Variants in CES3 observed in about 807,000 individuals in gnomAD.
CES3 encodes the protein carboxylesterase 3 (brain).
In CES3, 49 loss-of-function variants were observed where a neutral mutation model predicts 57.6. The ratio of observed to expected loss-of-function variants is 0.85; its 90% CI spans 0.68 to 1.08. The LOEUF is 1.08. Among genes scored for constraint, CES3 ranks in the 50% least tolerant of loss-of-function variants. The pLI is 0.00. For missense variants in CES3, 645 were observed against 742.0 expected (o/e 0.87, Z 1.52); for synonymous variants, 266 against 281.6 (o/e 0.94, Z 0.55).
intron 8 of CES3, among the ~76,000 whole-genome samples, chr16:66,968,511 T>C (rs556970907): frequency 6.6e-6 from 1 of 152,324 alleles, no homozygotes; most frequent in South Asian, 2.1e-4. Flanking sequence ...GCGCAGTGAA[T>C]GTCTTCATGT....
chr16:66,964,931 C>T (rs1348642654), intron 6 of CES3, among the ~76,000 whole-genome samples: 1 of 152,166 alleles, frequency 6.6e-6, no homozygotes, highest in Non-Finnish European at 1.5e-5. Flanking sequence ...TGAAGGAAGC[C>T]ACCCTGAAGC....
chr16:66,969,638 G>A (rs71647901), intron 8 of CES3, 41 bp from the exon 9 acceptor site: 309 of 1,581,282 alleles, frequency 2.0e-4, no homozygotes, highest in African/African-American at 1.6e-3. Flanking sequence ...GGGGTGAGCC[G>A]GTGGTCAGGC....
intron 10 of CES3, among the ~76,000 whole-genome samples, chr16:66,972,110 C>T (rs1206075525): frequency 6.6e-6 from 1 of 152,106 alleles, no homozygotes; most frequent in African/African-American, 2.4e-5. Flanking sequence ...GCACTCCAGC[C>T]TGGTCGACAG....
In CES3 at chr16:66,963,675, G is replaced by A; in HGVS notation, c.426+46G>A. 6.2e-7 allele frequency: 1 copy of A among 1,613,524 alleles called. No homozygotes were observed. Among genetic ancestry groups the A allele is most frequent in the Non-Finnish European group, 8.5e-7 (1 of 1,179,954 alleles). ...TGTCCACCTGATCCAGCTCCACTAT[G>A]CCTACCTGTCCCCTCCCCGTCCCTG... is the stretch of plus-strand genomic sequence containing the variant. On this transcript the variant is annotated intron_variant, in intron 3 of 12. Transcript: ENST00000303334. This position sits in a 1 kb window ranked among gnomAD's most constrained non-coding sequence, Gnocchi z 4.9.
chr16:66,971,284 A>C lies in CES3; in HGVS notation c.1256A>C (p.Asn419Thr), dbSNP rs754948795. The part of the protein sequence containing the change: ...FQEFMGDVFI[N>T]VPTVSFSRYL... ...GAATTCATGGGTGACGTATTCATCA[A>C]TGTTCCCACCGTCAGTTTTTCAAGA... Residue 419 changes from asparagine (N) to threonine (T), a missense_variant, in exon 10 of 13, where the codon AAT (asparagine) becomes ACT (threonine). Physicochemically the swap from Asn to Thr is moderately conservative, Grantham distance 65 (BLOSUM62 0). Coordinates refer to ENST00000303334, the MANE Select transcript of CES3 (RefSeq NM_024922.6). 3 of 1,614,060 alleles carry C rather than the reference A, an allele frequency of 1.9e-6. No individual in the cohort carries two copies. The highest frequency in any genetic ancestry group is 1.7e-5 in the Admixed American group (1 of 60,012).
rs767288999 is a variant in CES3 at position 66,963,673 on chromosome 16, A to T, written c.426+44A>T. ...CCTGTCCACCTGATCCAGCTCCACT[A>T]TGCCTACCTGTCCCCTCCCCGTCCC... On this transcript the variant is annotated intron_variant, in intron 3 of 12. Transcript: ENST00000303334. This position sits in a 1 kb window ranked among gnomAD's most constrained non-coding sequence, Gnocchi z 4.9. 1 of 1,613,512 alleles carries T rather than the reference A, an allele frequency of 6.2e-7. No homozygotes were observed. The highest frequency in any genetic ancestry group is 1.3e-5 in the African/African-American group (1 of 74,898).
chr16:66,964,002 G>A (rs1041009131), intron 4 of CES3, 67 bp downstream of exon 4: 8 of 1,585,142 alleles, frequency 5.0e-6, no homozygotes, highest in African/African-American at 4.0e-5. Context: ...AGAGCAACTG[G>A]GGATCTAGGT....
intron 4 of CES3, 115 bp downstream of exon 4, chr16:66,964,050 G>C (rs1204854778): frequency 1.4e-6 from 2 of 1,467,244 alleles, no homozygotes; most frequent in Non-Finnish European, 1.9e-6. Context: ...CCTTACCCAT[G>C]ATGTCTGAGG....
At position 66,974,951 on chromosome 16, in the gene CES3, A is replaced by T. The variant is rs1224603873; in HGVS notation, c.*1902A>T. ...CCTTTGTGTCTAGCTCAGGGATCGTAAACGCACCAATCAGCACCCTGTCAA... is the reference window on the plus strand; with the variant it reads ...CCTTTGTGTCTAGCTCAGGGATCGTTAACGCACCAATCAGCACCCTGTCAA... On this transcript the variant is annotated 3_prime_UTR_variant, in exon 13 of 13. Transcript: ENST00000303334. 6.6e-6 allele frequency: 1 copy of T among 152,238 alleles called. No homozygotes were observed. Among genetic ancestry groups the T allele is most frequent in the African/African-American group, 2.4e-5 (1 of 41,432 alleles). 9.4% of individuals were successfully genotyped at this position (152,238 alleles called of 1,614,324 possible).
intron 8 of CES3, among the ~76,000 whole-genome samples, chr16:66,969,090 T>G (rs1963786306): frequency 6.6e-6 from 1 of 152,022 alleles, no homozygotes. Flanking sequence ...CAGGACTTGT[T>G]GCTGAGAATG....
chr16:66,969,809 A>G, intron 9 of CES3, 50 bp downstream of exon 9: 2 of 1,514,402 alleles, frequency 1.3e-6, no homozygotes, highest in Non-Finnish European at 1.8e-6. Flanking sequence ...GGAGGAAGCT[A>G]GTGGGTATCC....
In CES3 at chr16:66,964,523, AG is replaced by A. The variant is rs1963702591; in HGVS notation, c.714+18del. The A allele has an allele frequency of 1.2e-6, 2 of 1,613,584 alleles. No homozygotes were observed. The highest frequency in any genetic ancestry group is 2.2e-5 in the East Asian group (1 of 44,854). ...CATCTCTGGCCTGGTAAGTCACTAT[AG>A]GGGGCTAGTGATGGTGGCCAGGAGG... is the stretch of plus-strand genomic sequence containing the variant. On this transcript the variant is annotated intron_variant, in intron 5 of 12. Transcript: ENST00000303334.
At position 66,966,314 on chromosome 16, in the gene CES3, A is replaced by G. The variant is rs778488685; in HGVS notation, c.890A>G (p.Glu297Gly). 46 of 1,613,642 alleles carry G rather than the reference A, an allele frequency of 2.9e-5. No homozygotes were observed. The highest frequency in any genetic ancestry group is 6.7e-5 in the Admixed American group (4 of 60,006). ...AEMVQCLQQK[E>G]GEELVLSKKL... ...ATGGTGCAGTGCCTTCAGCAGAAAG[A>G]AGGAGAAGAGCTGGTCCTTAGCAAG... is the stretch of plus-strand genomic sequence containing the variant. The change falls in exon 7 of 13, where the codon GAA (glutamate) becomes GGA (glycine). Residue 297 changes from glutamate to glycine, a missense_variant. Transcript: ENST00000303334.
chr16:66,963,038 A>G lies in CES3; in HGVS notation c.83-141A>G. On this transcript the variant is annotated intron_variant, in intron 1 of 12. Coordinates refer to ENST00000303334, the MANE Select transcript of CES3 (RefSeq NM_024922.6). The surrounding 1 kb of genome is among the most constrained non-coding windows in gnomAD (Gnocchi z 4.9). ...GAGGAGGAAGTTGGGCGTCAACCTA[A>G]GACCAGGCTCACCGGCTTGCTGGGA... 1.1e-6 allele frequency: 1 copy of G among 892,860 alleles called. No individual in the cohort carries two copies. Among genetic ancestry groups the G allele is most frequent in the Non-Finnish European group, 1.8e-6 (1 of 555,768 alleles). 55.3% of individuals were successfully genotyped at this position (892,860 alleles called of 1,614,324 possible). A position where few individuals can be genotyped will look rare whatever the true frequency, so the allele number is the denominator to read the frequency against.
intron 8 of CES3, 53 bp downstream of exon 8, chr16:66,966,918 G>A (rs1963741441): frequency 1.3e-6 from 2 of 1,598,690 alleles, no homozygotes; most frequent in Admixed American, 1.7e-5. Context: ...GCCAGTACCT[G>A]CCACCCCAGC....
Position 66,971,207 on chromosome 16 carries a change from T to C in CES3, c.1179T>C (p.Asp393=), listed in dbSNP as rs374783540. 2.1e-4 allele frequency: 341 copies of C among 1,613,980 alleles called. No individual in the cohort carries two copies. Among genetic ancestry groups the C allele is most frequent in the Non-Finnish European group, 2.7e-4 (317 of 1,179,972 alleles). The change falls in exon 10 of 13, where the codon GAT becomes GAC. Residue 393 remains aspartate, a synonymous_variant. Coordinates refer to ENST00000303334, the MANE Select transcript of CES3 (RefSeq NM_024922.6). ...CTGAGATGATGCCCACCGTCATAGA[T>C]GAATACCTAGGAAGCAACTCGGACG... The part of the protein sequence containing the change: ...VPPEMMPTVI[D]EYLGSNSDAQ...
intron 8 of CES3, among the ~76,000 whole-genome samples, chr16:66,968,401 C>T (rs552230725): frequency 1.3e-4 from 20 of 152,252 alleles, no homozygotes; most frequent in South Asian, 1.0e-3. Flanking sequence ...CTCCTGAACT[C>T]AGGTGATCCA....
chr16:66,972,324 T>C (rs777302765), intron 10 of CES3, 32 bp from the exon 11 acceptor site: 2 of 1,538,868 alleles, frequency 1.3e-6, no homozygotes, highest in South Asian at 1.3e-5. Flanking sequence ...AGGCCATGAG[T>C]GCCTAACTCC....
chr16:66,964,777 C>A, intron 6 of CES3, 50 bp downstream of exon 6: 1 of 1,481,524 alleles, frequency 6.7e-7, no homozygotes. Context: ...CCATACCCCA[C>A]TCTGTGCTGG....
Sources: allele counts gnomAD v4.1 joint callset (sites outside exome capture counted in the v4.1 genomes callset), GRCh38; gene constraint gnomAD v4.1.1; non-coding constraint Gnocchi (gnomAD v3.1); transcripts MANE v1.5; gene names NCBI Gene and HGNC (gene_info 2026-07-23, HGNC 2026-07-21).